Variants in SLC25A33 observed in about 807,000 individuals in gnomAD.
The protein encoded by SLC25A33 is bone marrow stromal cell mitochondrial carrier protein.
A neutral mutation model predicts 35.5 loss-of-function variants in SLC25A33; 15 were observed. The observed-to-expected ratio is 0.42, with a 90% CI of 0.28 to 0.65. The LOEUF is 0.65. SLC25A33 is among the 30% of genes least tolerant of loss of function. SLC25A33 has a pLI of 0.20. For missense variants in SLC25A33, 257 were observed against 398.5 expected (o/e 0.64, Z 3.02); for synonymous variants, 136 against 148.7 (o/e 0.91, Z 0.62).
At chr1:9,545,982 C>T (rs1643163204) in intron 1 of SLC25A33, among the ~76,000 whole-genome samples, 1 of 151,196 alleles carries the variant, frequency 6.6e-6, no homozygotes, top group Non-Finnish European at 1.5e-5. Flanking sequence ...AAAAGGAATA[C>T]ATAGTTGAAA....
intron 2 of SLC25A33, among the ~76,000 whole-genome samples, chr1:9,562,233 A>C (rs1315047308): frequency 1.3e-5 from 2 of 150,788 alleles, no homozygotes; most frequent in African/African-American, 4.9e-5. Flanking sequence ...CTGTAATCCC[A>C]GCTATCCAGG....
At chr1:9,564,456 A>G (rs1440927727) in intron 2 of SLC25A33, among the ~76,000 whole-genome samples, 2 of 152,116 alleles carry the variant, frequency 1.3e-5, no homozygotes, top group Non-Finnish European at 2.9e-5. Context: ...ACTCAAACAA[A>G]TATTTGTACA....
rs1391865924 is a variant in SLC25A33 at position 9,539,724 on chromosome 1, G to A, written c.33G>A (p.Thr11=). 2.8e-6 allele frequency: 4 copies of A among 1,410,748 alleles called. No individual in the cohort carries two copies. The highest frequency in any genetic ancestry group is 3.2e-5 in the East Asian group (1 of 30,844). 87.4% of individuals were successfully genotyped at this position (1,410,748 alleles called of 1,614,324 possible). The change falls in exon 1 of 7, where the codon ACG becomes ACA. Residue 11 remains threonine (T), a synonymous_variant. Transcript: ENST00000302692. ...CGGGCGGCCAGCAGAAGGAGAACAC[G>A]CTGCTTCACCTCTTCGCCGGCGGGT... MATGGQQKEN[T]LLHLFAGGCG... is the part of the protein sequence containing the mutation.
intron 5 of SLC25A33, chr1:9,576,781 C>A: frequency 8.6e-7 from 1 of 1,160,004 alleles, no homozygotes; most frequent in African/African-American, 1.6e-5. Context: ...AAAATACACC[C>A]GCAGGGTTCA....
intron 2 of SLC25A33, among the ~76,000 whole-genome samples, chr1:9,555,163 G>A (rs1222234477): frequency 7.1e-6 from 1 of 141,802 alleles, no homozygotes; most frequent in African/African-American, 2.7e-5. Context: ...TGTCGCCCAG[G>A]CTGGAGTGCA....
intron 2 of SLC25A33, among the ~76,000 whole-genome samples, chr1:9,555,145 TCTCA>T (rs1430208485): frequency 1.5e-5 from 2 of 131,258 alleles, no homozygotes; most frequent in African/African-American, 5.9e-5. Context: ...TGAGATGGAG[TCTCA>T]CTCTGTCGCC....
At chr1:9,557,874 GC>G (rs1643368354) in intron 2 of SLC25A33, among the ~76,000 whole-genome samples, 1 of 152,118 alleles carries the variant, frequency 6.6e-6, no homozygotes, top group Non-Finnish European at 1.5e-5. Context: ...CTGTACTCCA[GC>G]CTGGGCAATG....
At chr1:9,554,899 C>T in intron 2 of SLC25A33, among the ~76,000 whole-genome samples, 1 of 152,036 alleles carries the variant, frequency 6.6e-6, no homozygotes, top group Non-Finnish European at 1.5e-5. Flanking sequence ...TGATTTTTAG[C>T]TCAGGACCTT....
rs184544234 is a variant in SLC25A33, at chr1:9,575,475, C to T, written c.482+2063C>T. 2.8e-3 allele frequency among the ~76,000 whole-genome samples: 429 copies of T among 151,862 alleles called. 4 individuals are homozygous for T. Among genetic ancestry groups the T allele is most frequent in the African/African-American group, 8.5e-3 (353 of 41,404 alleles). ...ACTAAAAATACAAAAATTAGCCAGG[C>T]GTGGTGGTGGGCGCCTGTAATCCTA... On this transcript the variant is annotated intron_variant, in intron 5 of 6. Coordinates refer to ENST00000302692, the MANE Select transcript of SLC25A33 (RefSeq NM_032315.3).
chr1:9,564,364 T>G (rs1272864148), intron 2 of SLC25A33, among the ~76,000 whole-genome samples: 1 of 152,114 alleles, frequency 6.6e-6, no homozygotes, highest in African/African-American at 2.4e-5. Context: ...AACAGCCTAG[T>G]GGTTTCTCAA....
intron 6 of SLC25A33, among the ~76,000 whole-genome samples, chr1:9,580,858 AAAAAAAAAAT>A (rs1236783711): frequency 0.016 from 1,933 of 120,444 alleles, 44 homozygotes; most frequent in African/African-American, 0.071. Flanking sequence ...CTGTCTCAAA[AAAAAAAAAAT>A]AATAATAATA....
Position 9,539,688 on chromosome 1 carries a change from G to A in SLC25A33, c.-4G>A. On this transcript the variant is annotated 5_prime_UTR_variant, in exon 1 of 7. Coordinates refer to ENST00000302692, the MANE Select transcript of SLC25A33 (RefSeq NM_032315.3). ...CGGCGACGGGCCGCGGAGCCGGCGC[G>A]GCCATGGCGACGGGCGGCCAGCAGA... is the stretch of plus-strand genomic sequence containing the variant. The A allele has an allele frequency of 1.4e-6, 2 of 1,379,910 alleles. No individual in the cohort carries two copies. The allele number at this position is 1,379,910 out of a possible 1,614,324, so 85.5% of individuals were successfully genotyped here.
intron 1 of SLC25A33, among the ~76,000 whole-genome samples, chr1:9,543,982 G>A (rs1643130875): frequency 6.6e-6 from 1 of 152,080 alleles, no homozygotes; most frequent in Admixed American, 6.6e-5. Flanking sequence ...GTGCATGCCT[G>A]TAATCCCAGC....
intron 6 of SLC25A33, among the ~76,000 whole-genome samples, 199 bp downstream of exon 6, chr1:9,580,433 G>A (rs1002555466): frequency 1.3e-5 from 2 of 152,212 alleles, no homozygotes; most frequent in African/African-American, 4.8e-5. Context: ...AAATCCAGCT[G>A]ATTATAGCCA....
chr1:9,571,837 A>ACC, intron 4 of SLC25A33, among the ~76,000 whole-genome samples: 3 of 152,042 alleles, frequency 2.0e-5, no homozygotes, highest in Admixed American at 1.3e-4. Context: ...AATGGAGTTT[A>ACC]ACCATGTTGC....
chr1:9,568,845 C>CA lies in SLC25A33; in HGVS notation c.315-1402dup, dbSNP rs546339308. ...TGGGCGACAGAGCGAGACTCTGTCTCAAAAAAAAAAAGAGAAAATGAAGTC... is the reference window on the plus strand; with the variant it reads ...TGGGCGACAGAGCGAGACTCTGTCTCAAAAAAAAAAAAGAGAAAATGAAGTC... On this transcript the variant is annotated intron_variant, in intron 3 of 6. Transcript: ENST00000302692. Among the ~76,000 whole-genome samples the CA allele has an allele frequency of 4.6e-3, 570 of 125,128 alleles. 6 individuals are homozygous for CA. Among genetic ancestry groups the CA allele is most frequent in the South Asian group, 0.015 (60 of 3,936 alleles). 82.1% of individuals were successfully genotyped at this position (125,128 alleles called of 152,430 possible). A position where few individuals can be genotyped will look rare whatever the true frequency, so the allele number is the denominator to read the frequency against.
chr1:9,573,567 G>A (rs577249889), intron 5 of SLC25A33, among the ~76,000 whole-genome samples, 155 bp downstream of exon 5: 1 of 152,118 alleles, frequency 6.6e-6, no homozygotes, highest in East Asian at 1.9e-4. Context: ...TTGTGTTGAG[G>A]TTTGTGCTAT....
chr1:9,550,067 C>T (rs11121441), intron 1 of SLC25A33, among the ~76,000 whole-genome samples: 4,410 of 105,958 alleles, frequency 0.042, 274 homozygotes, highest in African/African-American at 0.15. Flanking sequence ...GGCTGAAGTA[C>T]AGTAGTGTCA....
intron 5 of SLC25A33, chr1:9,576,605 A>G (rs957277117): frequency 1.7e-5 from 10 of 579,488 alleles, no homozygotes; most frequent in African/African-American, 7.5e-5. Context: ...GGTAACAGAA[A>G]GGAACTGGCT....
Sources: gnomAD v4.1 joint callset for allele counts (sites outside exome capture counted in the v4.1 genomes callset) on GRCh38, gnomAD v4.1.1 for gene constraint, MANE v1.5 for transcripts, NCBI Gene and HGNC (gene_info 2026-07-23, HGNC 2026-07-21) for gene names.